The following ITGBL1 variants were observed in gnomAD, a reference collection of about 807,000 sequenced individuals.
ITGBL1 encodes integrin beta-like protein 1.
ITGBL1 carries 51 observed loss-of-function variants against 68.5 expected under a neutral mutation model. That is an observed-to-expected ratio of 0.74 (90% CI 0.59 to 0.94). ITGBL1 has a LOEUF of 0.94. ITGBL1 is among the 40% of genes least tolerant of loss of function. The pLI, the probability that ITGBL1 is intolerant of heterozygous loss-of-function variation, is 0.00. For missense variants in ITGBL1, 649 were observed against 647.4 expected (o/e 1.00, Z -0.03); for synonymous variants, 209 against 227.3 (o/e 0.92, Z 0.72).
chr13:101,595,547 G>C (rs1462934960), intron 6 of ITGBL1, among the ~76,000 whole-genome samples: 2 of 152,112 alleles, frequency 1.3e-5, no homozygotes, highest in African/African-American at 4.8e-5. Context: ...CAAATGACCT[G>C]AATAGACATT....
Position 101,712,371 on chromosome 13 carries a change from C to T in ITGBL1, c.1280-2067C>T, listed in dbSNP as rs978223864. The T allele has an allele frequency of 3.9e-5, 6 of 152,094 alleles. No individual in the cohort carries two copies. The South Asian group carries it at 8.3e-4, about 21-fold the overall frequency. 9.4% of individuals were successfully genotyped at this position (152,094 alleles called of 1,614,324 possible). ...CATCAAATGTTCTATCCATATATGC[C>T]ATATTAGCTTTAGCTGAGCTTACCA... On this transcript the variant is annotated intron_variant, in intron 9 of 10. Transcript: ENST00000376180.
At chr13:101,615,969 G>T (rs1241100789) in intron 7 of ITGBL1, among the ~76,000 whole-genome samples, 1 of 152,114 alleles carries the variant, frequency 6.6e-6, no homozygotes, top group Non-Finnish European at 1.5e-5. Flanking sequence ...CTCCAGAGCT[G>T]CAAAGCATAG....
At position 101,598,228 on chromosome 13, in the gene ITGBL1, C is replaced by A. The variant is rs2030106145; in HGVS notation, c.944C>A (p.Ser315Tyr). The change falls in exon 7 of 11, where the codon TCC becomes TAC. Residue 315 changes from serine (S) to tyrosine (Y), a missense_variant. Ser to Tyr is a moderately radical substitution (Grantham distance 144, BLOSUM62 -2). Coordinates refer to ENST00000376180, the MANE Select transcript of ITGBL1 (RefSeq NM_004791.3). ...GGGAAGAAGTGTGAGCACCCACAGT[C>A]CTGCACGCTGTCAGCTGAGGAGAGC... is the stretch of plus-strand genomic sequence containing the variant. ...WYGKKCEHPQ[S>Y]CTLSAEESIR... The A allele has an allele frequency of 6.2e-7, 1 of 1,613,872 alleles. No homozygotes were observed. Among genetic ancestry groups the A allele is most frequent in the South Asian group, 1.1e-5 (1 of 91,062 alleles).
chr13:101,546,209 A>G (rs1310347715), intron 2 of ITGBL1, among the ~76,000 whole-genome samples: 1 of 152,224 alleles, frequency 6.6e-6, no homozygotes, highest in Non-Finnish European at 1.5e-5. Flanking sequence ...AAAAGCAAAT[A>G]AATCATAAAC....
Position 101,706,795 on chromosome 13 carries a change from G to A in ITGBL1, c.1172G>A (p.Arg391Lys). ...TCCTGTGGTCGCTGTGTTTGTGAGA[G>A]AGGATGGTTTGGAAAGCTCTGCCAA... ...TCSCGRCVCE[R>K]GWFGKLCQHP... The change falls in exon 9 of 11, where the codon AGA becomes AAA. Residue 391 changes from arginine to lysine, a missense_variant. Arg to Lys is a conservative substitution (Grantham distance 26). Transcript: ENST00000376180. 1.2e-6 allele frequency: 2 copies of A among 1,614,172 alleles called. No individual in the cohort carries two copies. The highest frequency in any genetic ancestry group is 1.7e-6 in the Non-Finnish European group (2 of 1,180,032).
chr13:101,541,495 G>C (rs9554801), intron 2 of ITGBL1, among the ~76,000 whole-genome samples: 31,937 of 152,040 alleles, frequency 0.21, 3,804 homozygotes, highest in East Asian at 0.44. Context: ...GTTCATCAGG[G>C]ATATTAGTCG....
intron 2 of ITGBL1, among the ~76,000 whole-genome samples, chr13:101,478,079 A>G (rs1478908414): frequency 6.6e-6 from 1 of 152,138 alleles, no homozygotes; most frequent in African/African-American, 2.4e-5. Flanking sequence ...TGGTGCAAAA[A>G]TCCTCAACAA....
chr13:101,473,971 G>A (rs1457744001), intron 2 of ITGBL1, among the ~76,000 whole-genome samples: 1 of 152,174 alleles, frequency 6.6e-6, no homozygotes, highest in East Asian at 1.9e-4. Flanking sequence ...CCATGGGTGA[G>A]ACCCAGGGCC....
intron 6 of ITGBL1, among the ~76,000 whole-genome samples, chr13:101,588,658 TTTC>T (rs1205527542): frequency 1.3e-5 from 2 of 150,576 alleles, no homozygotes. Context: ...AGTCTCCTGA[TTTC>T]TTCTTTTATG....
chr13:101,456,986 A>C (rs145618383), intron 2 of ITGBL1, among the ~76,000 whole-genome samples: 1 of 152,320 alleles, frequency 6.6e-6, no homozygotes, highest in Non-Finnish European at 1.5e-5. Flanking sequence ...TAATAGCTGT[A>C]TGAACTTGGG....
At chr13:101,552,792 T>C (rs1358540173) in intron 2 of ITGBL1, among the ~76,000 whole-genome samples, 1 of 152,208 alleles carries the variant, frequency 6.6e-6, no homozygotes, top group Non-Finnish European at 1.5e-5. Context: ...TTCAGTTGGG[T>C]GAGGAGAAGA....
intron 6 of ITGBL1, among the ~76,000 whole-genome samples, chr13:101,591,092 G>T (rs1284348674): frequency 6.6e-6 from 1 of 152,028 alleles, no homozygotes; most frequent in Non-Finnish European, 1.5e-5. Context: ...TAGTAGAGAT[G>T]GGGTTTCACC....
At chr13:101,605,868 A>G (rs1361307872) in intron 7 of ITGBL1, among the ~76,000 whole-genome samples, 1 of 150,372 alleles carries the variant, frequency 6.7e-6, no homozygotes, top group African/African-American at 2.4e-5. Flanking sequence ...GTATATGTGT[A>G]TATATACACA....
At chr13:101,635,640 T>G (rs1393943907) in intron 7 of ITGBL1, among the ~76,000 whole-genome samples, 1 of 152,116 alleles carries the variant, frequency 6.6e-6, no homozygotes, top group African/African-American at 2.4e-5. Context: ...AGATACATTC[T>G]TAATCTGTAT....
At chr13:101,526,544 G>A (rs2049382371) in intron 2 of ITGBL1, among the ~76,000 whole-genome samples, 1 of 152,028 alleles carries the variant, frequency 6.6e-6, no homozygotes, top group East Asian at 1.9e-4. Context: ...GGACATGGAT[G>A]AAGCTGGAAA....
chr13:101,583,094 T>A (rs1566742032), intron 5 of ITGBL1, 122 bp from the exon 6 acceptor site: 1 of 889,758 alleles, frequency 1.1e-6, no homozygotes, highest in East Asian at 2.5e-5. Flanking sequence ...AGAATATTTT[T>A]GTCTGAATAT....
At chr13:101,700,831 C>T (rs2034119909) in intron 8 of ITGBL1, among the ~76,000 whole-genome samples, 1 of 152,150 alleles carries the variant, frequency 6.6e-6, no homozygotes, top group South Asian at 2.1e-4. Flanking sequence ...CTGTCTGGCT[C>T]CTTCTCATCC....
intron 7 of ITGBL1, among the ~76,000 whole-genome samples, chr13:101,605,809 G>A (rs2030789820): frequency 6.7e-6 from 1 of 149,448 alleles, no homozygotes; most frequent in Admixed American, 6.7e-5. Context: ...CTCGTGTGTA[G>A]ACATGTATGT....
intron 2 of ITGBL1, among the ~76,000 whole-genome samples, chr13:101,540,051 C>G (rs1400821758): frequency 1.4e-4 from 21 of 151,936 alleles, no homozygotes; most frequent in African/African-American, 2.4e-4. Flanking sequence ...AAGCTCTTTA[C>G]TTTAATTAGA....
Sources: gnomAD v4.1 joint callset for allele counts (sites outside exome capture counted in the v4.1 genomes callset) on GRCh38, gnomAD v4.1.1 for gene constraint, MANE v1.5 for transcripts, NCBI Gene and HGNC (gene_info 2026-07-23, HGNC 2026-07-21) for gene names.